Variants in RAET1E observed in about 807,000 individuals in gnomAD.
RAET1E encodes the protein NKG2D ligand 4.
A neutral mutation model predicts 21.1 loss-of-function variants in RAET1E; 27 were observed. That is an observed-to-expected ratio of 1.28 (90% CI 0.94 to 1.76). RAET1E has a LOEUF of 1.76. RAET1E is among the 40% of genes most tolerant of loss of function. The pLI, the probability that RAET1E is intolerant of heterozygous loss-of-function variation, is 0.00. For missense variants in RAET1E, 310 were observed against 311.3 expected, an observed-to-expected ratio of 1.00 and a Z score of 0.03; for synonymous variants, 113 against 115.0, an observed-to-expected ratio of 0.98 and a Z score of 0.11.
Position 149,888,165 on chromosome 6 carries a change from AG to A in RAET1E, c.*332del. ...ACAAGCGCCACCAGCAAGTCTTCTC[AG>A]GGTGAACGGGAAAAGGGGATGGGAC... On this transcript the variant is annotated 3_prime_UTR_variant, in exon 6 of 6. Transcript: ENST00000357183. 2 of 570,064 alleles carry A rather than the reference AG, an allele frequency of 3.5e-6. No homozygotes were observed. Among genetic ancestry groups the A allele is most frequent in the Non-Finnish European group, 6.7e-6 (2 of 296,390 alleles). The allele number at this position is 570,064 out of a possible 1,614,324, so 35.3% of individuals were successfully genotyped here. A position where few individuals can be genotyped will look rare whatever the true frequency, so the allele number is the denominator to read the frequency against.
Position 149,886,965 on chromosome 6 carries a change from G to A in RAET1E, c.*1533C>T, listed in dbSNP as rs1400688850. Among the ~76,000 whole-genome samples the A allele has an allele frequency of 6.6e-6, 1 of 152,208 alleles. No homozygotes were observed. Among genetic ancestry groups the A allele is most frequent in the Non-Finnish European group, 1.5e-5 (1 of 68,040 alleles). On this transcript the variant is annotated 3_prime_UTR_variant, in exon 6 of 6. Transcript: ENST00000357183. The stretch of plus-strand genomic sequence containing the variant: ...ACAGTGGGGAGGCCCTCCCCAAAGG[G>A]TGGCAGATATATTTTTTTCCCCTTG...
chr6:149,888,388 G>T lies in RAET1E; in HGVS notation c.*110C>A. 2 of 1,309,138 alleles carry T rather than the reference G, an allele frequency of 1.5e-6. No homozygotes were observed. The highest frequency in any genetic ancestry group is 2.7e-5 in the South Asian group (2 of 74,764). 81.1% of individuals were successfully genotyped at this position (1,309,138 alleles called of 1,614,324 possible). On this transcript the variant is annotated 3_prime_UTR_variant, in exon 6 of 6. Transcript: ENST00000357183. Reference sequence around the variant, plus strand: ...ATTGTGCTGCCAGCCCTGCTGTGTAGTGTGGGGGCTCAAGACTAAGGCAGT... The same window carrying T: ...ATTGTGCTGCCAGCCCTGCTGTGTATTGTGGGGGCTCAAGACTAAGGCAGT...
chr6:149,889,611 A>G lies in RAET1E; in HGVS notation c.359T>C (p.Leu120Pro), dbSNP rs771341176. Residue 120 changes from leucine (L) to proline (P), a missense_variant, in exon 5 of 6, where the codon CTG becomes CCG. Transcript: ENST00000357183. Reference sequence around the variant, plus strand: ...ACGTTGACAAAACATCTCGACTTGCAGAGTGGAAGGATCTGCAATCCAAAC... The same window carrying G: ...ACGTTGACAAAACATCTCGACTTGCGGAGTGGAAGGATCTGCAATCCAAAC... ...PQIKTSDPST[L>P]QVEMFCQREA... 6.8e-6 allele frequency: 11 copies of G among 1,614,132 alleles called. No individual in the cohort carries two copies. The highest frequency in any genetic ancestry group is 9.3e-6 in the Non-Finnish European group (11 of 1,179,982).
At chr6:149,890,763 T>A in intron 3 of RAET1E, 54 bp downstream of exon 3, 1 of 1,301,828 alleles carries the variant, frequency 7.7e-7, no homozygotes, top group Non-Finnish European at 1.1e-6. Context: ...GCCTACCCCC[T>A]ACCTTTCTCC....
At chr6:149,897,364 G>A (rs7756737) in intron 1 of RAET1E, among the ~76,000 whole-genome samples, 12,260 of 152,202 alleles carry the variant, frequency 0.081, 1,670 homozygotes, top group African/African-American at 0.28. Flanking sequence ...AGTAAGAAGC[G>A]GGTGATAAGG....
In RAET1E at chr6:149,895,054, C is replaced by T. The variant is rs572186187; in HGVS notation, c.-134+792G>A. 9.2e-5 allele frequency among the ~76,000 whole-genome samples: 14 copies of T among 152,290 alleles called. 1 individual carries two copies. The South Asian group carries it at 2.3e-3, about 25-fold the overall frequency. On this transcript the variant is annotated intron_variant, in intron 2 of 5. Transcript: ENST00000357183. ...TGCTGGAGTTTGCCGGTGGTCCACT[C>T]CCAACCCTGTTTACCTGGGTATCAC...
At chr6:149,889,658 C>G (rs761493120) in intron 4 of RAET1E, 35 bp from the exon 5 acceptor site, 1 of 1,608,716 alleles carries the variant, frequency 6.2e-7, no homozygotes, top group East Asian at 2.2e-5. Flanking sequence ...ATCCTCCACT[C>G]TTTGAGAAGT....
At chr6:149,891,378 A>T (rs1777887423) in intron 2 of RAET1E, among the ~76,000 whole-genome samples, 1 of 151,478 alleles carries the variant, frequency 6.6e-6, no homozygotes. Context: ...ACCCGTTCAA[A>T]CTCTTTCCTC....
Position 149,890,107 on chromosome 6 carries a change from A to G in RAET1E, c.124T>C (p.Leu42=), listed in dbSNP as rs1361295565. The G allele has an allele frequency of 6.2e-7, 1 of 1,614,110 alleles. No homozygotes were observed. The highest frequency in any genetic ancestry group is 1.1e-5 in the South Asian group (1 of 91,074). Residue 42 remains leucine, a synonymous_variant, in exon 4 of 6, where the codon TTG becomes CTG. Coordinates refer to ENST00000357183, the MANE Select transcript of RAET1E (RefSeq NM_001394057.1). ...SLCFNFTIKS[L]SRPGQPWCEA... ...CACCAGGGCTGTCCAGGTCTGGACA[A>G]TGATTTTATAGTGAAGTTGAAGCAA...
intron 5 of RAET1E, chr6:149,888,967 G>A (rs1777750898): frequency 1.2e-6 from 1 of 809,674 alleles, no homozygotes; most frequent in African/African-American, 1.7e-5. Flanking sequence ...AATGGGTGGT[G>A]CTTAATTCTG....
At chr6:149,892,295 A>C (rs1462214794) in intron 2 of RAET1E, among the ~76,000 whole-genome samples, 1 of 152,014 alleles carries the variant, frequency 6.6e-6, no homozygotes, top group Non-Finnish European at 1.5e-5. Context: ...TGTCTTCCAC[A>C]ATGTTTGAAC....
In RAET1E at chr6:149,890,960, G is replaced by A; in HGVS notation, c.-59C>T. 1 of 1,212,086 alleles carries A rather than the reference G, an allele frequency of 8.3e-7. No homozygotes were observed. The highest frequency in any genetic ancestry group is 1.2e-6 in the Non-Finnish European group (1 of 819,740). The allele number at this position is 1,212,086 out of a possible 1,614,324, so 75.1% of individuals were successfully genotyped here. On this transcript the variant is annotated 5_prime_UTR_variant, in exon 3 of 6. Transcript: ENST00000357183. The stretch of plus-strand genomic sequence containing the variant: ...GTACACATTCACCCTCACTGGTATG[G>A]TGAAGAAATGTTATCCAACAGCGTG...
In RAET1E at chr6:149,888,482, T is replaced by C; in HGVS notation, c.*16A>G. The C allele has an allele frequency of 6.2e-7, 1 of 1,610,330 alleles. No individual in the cohort carries two copies. Among genetic ancestry groups the C allele is most frequent in the Non-Finnish European group, 8.5e-7 (1 of 1,178,452 alleles). ...GGATGAGACCCATGATTCACCTCTCTTGAGTCCTTACCAGACTAAGACGTC... is the reference window on the plus strand; with the variant it reads ...GGATGAGACCCATGATTCACCTCTCCTGAGTCCTTACCAGACTAAGACGTC... On this transcript the variant is annotated 3_prime_UTR_variant, in exon 6 of 6. Coordinates refer to ENST00000357183, the MANE Select transcript of RAET1E (RefSeq NM_001394057.1).
intron 1 of RAET1E, among the ~76,000 whole-genome samples, 167 bp downstream of exon 1, chr6:149,897,854 C>A (rs542454347): frequency 6.6e-6 from 1 of 151,976 alleles, no homozygotes; most frequent in African/African-American, 2.4e-5. Flanking sequence ...CCTTATCCAG[C>A]GTCCCCGCCG....
At chr6:149,889,077 CA>C in intron 5 of RAET1E, 1 of 1,397,996 alleles carries the variant, frequency 7.2e-7, no homozygotes, top group South Asian at 1.7e-5. Flanking sequence ...TGCAATGACA[CA>C]GATAGACTTG....
At chr6:149,891,650 G>T (rs985511786) in intron 2 of RAET1E, among the ~76,000 whole-genome samples, 1 of 152,172 alleles carries the variant, frequency 6.6e-6, no homozygotes, top group East Asian at 1.9e-4. Context: ...ACTTTGGGAG[G>T]ATGAGGCAGG....
chr6:149,886,681 T>C lies in RAET1E; in HGVS notation c.*1817A>G, dbSNP rs969421019. Among the ~76,000 whole-genome samples the C allele has an allele frequency of 2.0e-5, 3 of 152,184 alleles. No homozygotes were observed. The highest frequency in any genetic ancestry group is 7.2e-5 in the African/African-American group (3 of 41,458). ...AAGTGCTGGGATTACAGGAGTGAGC[T>C]ATCACGCCCAGATGAGATTTATTTT... On this transcript the variant is annotated 3_prime_UTR_variant, in exon 6 of 6. Coordinates refer to ENST00000357183, the MANE Select transcript of RAET1E (RefSeq NM_001394057.1).
chr6:149,890,903 C>T lies in RAET1E; in HGVS notation c.-2G>A, dbSNP rs1201798588. 1.2e-6 allele frequency: 2 copies of T among 1,604,776 alleles called. No individual in the cohort carries two copies. Among genetic ancestry groups the T allele is most frequent in the South Asian group, 2.2e-5 (2 of 90,750 alleles). On this transcript the variant is annotated 5_prime_UTR_variant, in exon 3 of 6. Coordinates refer to ENST00000357183, the MANE Select transcript of RAET1E (RefSeq NM_001394057.1). ...AGAAGTCAGGGATATTCTTCGCATA[C>T]TGTGGAGAGTAACAGGCAGGAAGCT...
chr6:149,889,246 A>G, intron 5 of RAET1E, 102 bp downstream of exon 5: 1 of 1,511,794 alleles, frequency 6.6e-7, no homozygotes, highest in Non-Finnish European at 8.8e-7. Context: ...CCCACGGAGA[A>G]GTCAATCAAA....
Sources: gnomAD v4.1 joint callset for allele counts (sites outside exome capture counted in the v4.1 genomes callset) on GRCh38, gnomAD v4.1.1 for gene constraint, MANE v1.5 for transcripts, NCBI Gene and HGNC (gene_info 2026-07-23, HGNC 2026-07-21) for gene names.